DCC: variants seen among roughly 807,000 people sequenced by gnomAD.
The protein encoded by DCC is netrin receptor DCC.
In DCC, 58 loss-of-function variants were observed where a neutral mutation model predicts 172.5. The ratio of observed to expected loss-of-function variants is 0.34; its 90% CI spans 0.27 to 0.42. The LOEUF (loss-of-function observed/expected upper bound fraction) is 0.42, where lower values mean the gene tolerates loss of function less well. Among genes scored for constraint, DCC ranks in the 10% least tolerant of loss-of-function variants. The pLI is 1.00. For synonymous variants in DCC, 709 were observed against 644.5 expected (o/e 1.10, Z -1.52); for missense variants, 1,740 against 1,791.0 (o/e 0.97, Z 0.51).
intron 1 of DCC, among the ~76,000 whole-genome samples, chr18:52,583,907 C>T (rs1213393056): frequency 6.6e-6 from 1 of 152,194 alleles, no homozygotes; most frequent in Non-Finnish European, 1.5e-5. Context: ...CCTTTTCTTT[C>T]ACTCCCTCTC....
intron 5 of DCC, among the ~76,000 whole-genome samples, chr18:52,950,321 T>C (rs1378004935): frequency 2.0e-5 from 3 of 152,172 alleles, no homozygotes; most frequent in South Asian, 2.1e-4. Flanking sequence ...TCCATGGCCA[T>C]TTTCCCATCC....
intron 2 of DCC, among the ~76,000 whole-genome samples, chr18:52,892,865 C>T (rs1048670852): frequency 6.6e-6 from 1 of 152,040 alleles, no homozygotes; most frequent in Non-Finnish European, 1.5e-5. Flanking sequence ...CTCCAATTTT[C>T]CCCCAGTAGG....
At chr18:53,124,375 T>G (rs1303633738) in intron 7 of DCC, among the ~76,000 whole-genome samples, 1 of 152,034 alleles carries the variant, frequency 6.6e-6, no homozygotes, top group East Asian at 1.9e-4. Flanking sequence ...CAAATACTAG[T>G]TAGTTTCAAG....
At chr18:52,552,012 T>G (rs1339230757) in intron 1 of DCC, among the ~76,000 whole-genome samples, 2 of 152,054 alleles carry the variant, frequency 1.3e-5, no homozygotes, top group African/African-American at 4.8e-5. Context: ...AGTAATGATT[T>G]TGCCTGGACT....
At chr18:53,305,506 G>T in intron 12 of DCC, 72 bp from the exon 13 acceptor site, 1 of 1,269,456 alleles carries the variant, frequency 7.9e-7, no homozygotes, top group Non-Finnish European at 1.2e-6. Context: ...CTTACGTTTG[G>T]GTTACTTCTT....
intron 2 of DCC, among the ~76,000 whole-genome samples, chr18:52,847,089 A>G (rs775973211): frequency 1.3e-5 from 2 of 152,148 alleles, no homozygotes; most frequent in African/African-American, 4.8e-5. Flanking sequence ...GCCCGTTGTT[A>G]TTCTCTTTTC....
intron 1 of DCC, among the ~76,000 whole-genome samples, chr18:52,413,028 G>C (rs1366749914): frequency 1.3e-5 from 2 of 151,886 alleles, no homozygotes; most frequent in Non-Finnish European, 2.9e-5. Context: ...GTTGACTTTA[G>C]ATTGCATTAT....
At chr18:52,836,576 G>T (rs1425566973) in intron 2 of DCC, among the ~76,000 whole-genome samples, 6 of 152,224 alleles carry the variant, frequency 3.9e-5, no homozygotes, top group Non-Finnish European at 8.8e-5. Flanking sequence ...TAAACCTTAA[G>T]GTTCCAGAAT....
intron 1 of DCC, among the ~76,000 whole-genome samples, chr18:52,575,704 C>T (rs1232408977): frequency 6.6e-6 from 1 of 151,982 alleles, no homozygotes; most frequent in Non-Finnish European, 1.5e-5. Context: ...ATTTATGTTT[C>T]CATAGTTATT....
chr18:52,797,549 T>G (rs1034446048), intron 2 of DCC, among the ~76,000 whole-genome samples: 1 of 152,324 alleles, frequency 6.6e-6, no homozygotes, highest in Middle Eastern at 3.4e-3. Context: ...CCTAAGTGGC[T>G]TAGACTGCAA....
At chr18:52,470,406 C>A (rs1285412628) in intron 1 of DCC, among the ~76,000 whole-genome samples, 1 of 152,152 alleles carries the variant, frequency 6.6e-6, no homozygotes, top group Non-Finnish European at 1.5e-5. Context: ...TACCTGACAG[C>A]ATTCACCTTT....
intron 7 of DCC, among the ~76,000 whole-genome samples, chr18:53,100,798 A>T (rs2144216661): frequency 6.6e-6 from 1 of 152,210 alleles, no homozygotes; most frequent in East Asian, 1.9e-4. Flanking sequence ...ACCTAATTCT[A>T]ATAGCTTCCA....
intron 14 of DCC, among the ~76,000 whole-genome samples, chr18:53,330,249 T>C (rs1043799481): frequency 6.6e-6 from 1 of 152,206 alleles, no homozygotes; most frequent in African/African-American, 2.4e-5. Flanking sequence ...TTTCAAAGTA[T>C]CATTTCCCTT....
At chr18:53,044,220 T>C (rs1339624330) in intron 5 of DCC, among the ~76,000 whole-genome samples, 1 of 151,866 alleles carries the variant, frequency 6.6e-6, no homozygotes, top group Non-Finnish European at 1.5e-5. Context: ...TTGCCTTCCA[T>C]GTTTGCTTGA....
intron 2 of DCC, among the ~76,000 whole-genome samples, chr18:52,891,914 A>T (rs1222016563): frequency 6.6e-6 from 1 of 152,096 alleles, no homozygotes; most frequent in Non-Finnish European, 1.5e-5. Context: ...TATTCTCTAT[A>T]CAGCAGCCAG....
At chr18:53,022,158 A>G (rs1277985398) in intron 5 of DCC, among the ~76,000 whole-genome samples, 2 of 152,180 alleles carry the variant, frequency 1.3e-5, no homozygotes, top group Non-Finnish European at 2.9e-5. Context: ...AGGAAAATAA[A>G]TGCAATTAAA....
intron 12 of DCC, among the ~76,000 whole-genome samples, chr18:53,230,990 G>GT (rs11438211): frequency 0.35 from 53,080 of 150,576 alleles, 10,564 homozygotes; most frequent in Non-Finnish European, 0.46. Flanking sequence ...TAAAATTGGT[G>GT]TTTTTTTTTC....
chr18:53,029,038 A>C (rs113176075), intron 5 of DCC, among the ~76,000 whole-genome samples: 9 of 149,504 alleles, frequency 6.0e-5, no homozygotes, highest in African/African-American at 1.5e-4. Flanking sequence ...AAAAATTACC[A>C]AAATGTGGAT....
At chr18:53,096,288 A>C (rs1192587329) in intron 7 of DCC, among the ~76,000 whole-genome samples, 2 of 152,140 alleles carry the variant, frequency 1.3e-5, no homozygotes, top group South Asian at 4.1e-4. Context: ...ACAGCGAGCT[A>C]TGATTGCACC....
Sources: allele counts gnomAD v4.1 joint callset (sites outside exome capture counted in the v4.1 genomes callset), GRCh38; gene constraint gnomAD v4.1.1; transcripts MANE v1.5; gene names NCBI Gene and HGNC (gene_info 2026-07-23, HGNC 2026-07-21).